Variants in NRXN1 observed in about 807,000 individuals in gnomAD.
NRXN1 encodes the protein neurexin 1.
In NRXN1, 39 loss-of-function variants were observed where a neutral mutation model predicts 150.9. The ratio of observed to expected loss-of-function variants is 0.26; its 90% CI spans 0.20 to 0.34. The LOEUF (loss-of-function observed/expected upper bound fraction) is 0.34, where lower values mean the gene tolerates loss of function less well. Ranked by LOEUF, NRXN1 falls within the 10% of genes least tolerant of loss-of-function variation. The pLI, the probability that NRXN1 is intolerant of heterozygous loss-of-function variation, is 1.00. For missense variants in NRXN1, 1,815 were observed against 1,949.9 expected (o/e 0.93, Z 1.30); for synonymous variants, 924 against 757.0 (o/e 1.22, Z -3.62).
chr2:51,005,587 C>T (rs557218274), intron 2 of NRXN1, among the ~76,000 whole-genome samples: 1 of 151,860 alleles, frequency 6.6e-6, no homozygotes, highest in Non-Finnish European at 1.5e-5. Context: ...CAATAATTAC[C>T]AACATGAAAA....
intron 16 of NRXN1, 87 bp downstream of exon 16, chr2:50,472,211 T>C (rs1241432463): frequency 6.0e-6 from 7 of 1,176,286 alleles, no homozygotes; most frequent in Non-Finnish European, 6.8e-6. Flanking sequence ...TGACCAGTTA[T>C]CAGAATTTTG....
intron 2 of NRXN1, among the ~76,000 whole-genome samples, chr2:51,004,200 C>A (rs1700421661): frequency 6.6e-6 from 1 of 151,950 alleles, no homozygotes; most frequent in African/African-American, 2.4e-5. Context: ...CTACTGCTCA[C>A]ACACCTGCCA....
At chr2:50,848,661 T>C (rs1440193018) in intron 5 of NRXN1, among the ~76,000 whole-genome samples, 2 of 152,146 alleles carry the variant, frequency 1.3e-5, no homozygotes, top group African/African-American at 4.8e-5. Context: ...ATAATTTATT[T>C]TGCTTCAAAT....
At chr2:50,130,092 T>C (rs73932946) in intron 18 of NRXN1, among the ~76,000 whole-genome samples, 6,607 of 152,222 alleles carry the variant, frequency 0.043, 514 homozygotes, top group African/African-American at 0.15. Context: ...ACCTAGAGAC[T>C]GTAATTAAGT....
chr2:50,736,080 G>T (rs1423232641), intron 5 of NRXN1, among the ~76,000 whole-genome samples: 1 of 152,066 alleles, frequency 6.6e-6, no homozygotes, highest in East Asian at 1.9e-4. Flanking sequence ...ACTTGGTCTT[G>T]AAACAAAACA....
chr2:50,022,131 G>A (rs1299684658), intron 21 of NRXN1, among the ~76,000 whole-genome samples: 1 of 151,936 alleles, frequency 6.6e-6, no homozygotes, highest in Non-Finnish European at 1.5e-5. Flanking sequence ...CTACAGGTGT[G>A]TGCCACCATG....
intron 17 of NRXN1, among the ~76,000 whole-genome samples, chr2:50,428,341 G>C (rs1398664793): frequency 2.0e-5 from 3 of 152,142 alleles, no homozygotes; most frequent in African/African-American, 7.2e-5. Flanking sequence ...CCTAAGCCCA[G>C]AAGGTCGAAA....
At chr2:50,250,429 T>A (rs2066927269) in intron 17 of NRXN1, among the ~76,000 whole-genome samples, 1 of 123,914 alleles carries the variant, frequency 8.1e-6, no homozygotes, top group Non-Finnish European at 1.8e-5. Context: ...AAAGTCACTT[T>A]TTAATATTTT....
At chr2:50,904,822 C>T (rs1396210326) in intron 5 of NRXN1, among the ~76,000 whole-genome samples, 1 of 152,060 alleles carries the variant, frequency 6.6e-6, no homozygotes, top group Non-Finnish European at 1.5e-5. Context: ...TGTTGTCTCC[C>T]TGGATGTCTT....
rs1672599443 is a variant in NRXN1, at chr2:49,944,805, T to A, written c.4129-1014A>T. 2.6e-5 allele frequency among the ~76,000 whole-genome samples: 4 copies of A among 152,156 alleles called. No homozygotes were observed. In the South Asian group the frequency reaches 8.3e-4, roughly 32 times the overall value. The stretch of plus-strand genomic sequence containing the variant: ...AAGAGATTAGAATTGTTCAAACAAT[T>A]CTCAGAATTGCAACATTGATACAGT... On this transcript the variant is annotated intron_variant, in intron 21 of 22. Coordinates refer to ENST00000401669, the MANE Select transcript of NRXN1 (RefSeq NM_001330078.2).
intron 18 of NRXN1, among the ~76,000 whole-genome samples, chr2:50,195,679 C>A (rs2061712614): frequency 6.6e-6 from 1 of 152,056 alleles, no homozygotes; most frequent in Non-Finnish European, 1.5e-5. Flanking sequence ...TGCATCTTAT[C>A]TTTTTGTATA....
chr2:51,007,013 A>T (rs1312483396), intron 2 of NRXN1, among the ~76,000 whole-genome samples: 1 of 151,910 alleles, frequency 6.6e-6, no homozygotes, highest in Non-Finnish European at 1.5e-5. Context: ...TGCCTATCTG[A>T]TGACAAACAT....
At chr2:50,480,809 C>T (rs1423795036) in intron 15 of NRXN1, among the ~76,000 whole-genome samples, 3 of 152,130 alleles carry the variant, frequency 2.0e-5, no homozygotes, top group Admixed American at 1.3e-4. Flanking sequence ...TCACAAAAAT[C>T]ACCGAGACAA....
At chr2:50,459,080 T>C (rs2087893225) in intron 17 of NRXN1, among the ~76,000 whole-genome samples, 1 of 152,094 alleles carries the variant, frequency 6.6e-6, no homozygotes, top group South Asian at 2.1e-4. Context: ...TAGCTAGGCA[T>C]ATCCACAGCA....
intron 2 of NRXN1, among the ~76,000 whole-genome samples, chr2:50,982,086 T>C (rs748444838): frequency 2.0e-5 from 3 of 152,068 alleles, no homozygotes; most frequent in Non-Finnish European, 4.4e-5. Flanking sequence ...AATTTCACCA[T>C]GGATGAAAGA....
chr2:50,941,694 T>C (rs939820250), intron 2 of NRXN1, among the ~76,000 whole-genome samples: 6 of 152,182 alleles, frequency 3.9e-5, no homozygotes, highest in South Asian at 2.1e-4. Flanking sequence ...CCTGGCTTTT[T>C]CCGAAAGTGT....
intron 5 of NRXN1, among the ~76,000 whole-genome samples, chr2:50,897,045 T>C (rs541027516): frequency 7.2e-5 from 11 of 152,260 alleles, no homozygotes; most frequent in African/African-American, 2.6e-4. Flanking sequence ...CTAGAAACCA[T>C]TAACACTGTG....
chr2:50,559,871 A>G (rs1668798524), intron 8 of NRXN1, among the ~76,000 whole-genome samples: 1 of 152,230 alleles, frequency 6.6e-6, no homozygotes, highest in South Asian at 2.1e-4. Flanking sequence ...TGGTTTAAGC[A>G]CAAAGATGGT....
At chr2:50,727,368 G>A (rs1397603066) in intron 5 of NRXN1, among the ~76,000 whole-genome samples, 1 of 152,098 alleles carries the variant, frequency 6.6e-6, no homozygotes, top group Non-Finnish European at 1.5e-5. Flanking sequence ...GCTATAATTA[G>A]TATTCAATAA....
Sources: allele counts gnomAD v4.1 joint callset (sites outside exome capture counted in the v4.1 genomes callset), GRCh38; gene constraint gnomAD v4.1.1; transcripts MANE v1.5; gene names NCBI Gene and HGNC (gene_info 2026-07-23, HGNC 2026-07-21).